Variants in SYT1 observed in about 807,000 individuals in gnomAD.
SYT1 encodes the protein synaptotagmin-1.
SYT1 carries 8 observed loss-of-function variants against 44.8 expected under a neutral mutation model. That is an observed-to-expected ratio of 0.18 (90% CI 0.10 to 0.32). SYT1 has a LOEUF of 0.32. SYT1 is among the 10% of genes least tolerant of loss of function. The pLI is 1.00. For synonymous variants in SYT1, 154 were observed against 188.8 expected, an observed-to-expected ratio of 0.82 and a Z score of 1.51; for missense variants, 286 against 509.3, an observed-to-expected ratio of 0.56 and a Z score of 4.22.
intron 1 of SYT1, among the ~76,000 whole-genome samples, chr12:78,873,621 A>G (rs1187217843): frequency 6.6e-6 from 1 of 151,622 alleles, no homozygotes; most frequent in African/African-American, 2.4e-5. Flanking sequence ...AGTGATTGTA[A>G]TCATAAGTGT....
chr12:79,300,108 A>T (rs1880062572), intron 8 of SYT1, among the ~76,000 whole-genome samples: 2 of 151,962 alleles, frequency 1.3e-5, no homozygotes, highest in Non-Finnish European at 2.9e-5. Context: ...TTTTTATGCT[A>T]CTCCTCACAT....
At chr12:79,150,276 A>C (rs911331239) in intron 3 of SYT1, among the ~76,000 whole-genome samples, 14 of 152,316 alleles carry the variant, frequency 9.2e-5, no homozygotes, top group Middle Eastern at 6.8e-3. Flanking sequence ...TCAGCCATTA[A>C]AAGGGAAATT....
chr12:79,445,867 TTATTTTATATATATAAAATATA>T (rs1409013048), intron 10 of SYT1, among the ~76,000 whole-genome samples: 30 of 146,396 alleles, frequency 2.0e-4, no homozygotes, highest in East Asian at 5.9e-4. Context: ...ATAGCTACAC[TTATTTTATATATATAAAATATA>T]TATTTTATAT....
intron 3 of SYT1, among the ~76,000 whole-genome samples, chr12:79,085,897 A>G (rs1362108897): frequency 6.6e-6 from 1 of 152,132 alleles, no homozygotes; most frequent in East Asian, 1.9e-4. Flanking sequence ...ACTCAGAGAA[A>G]TCTTTGTAAA....
At chr12:79,046,208 G>A (rs1230888375) in intron 2 of SYT1, 2 of 152,180 alleles carry the variant, frequency 1.3e-5, no homozygotes, top group Non-Finnish European at 2.9e-5. Flanking sequence ...TGCAGTAAAT[G>A]AGGTTTTGGA....
At chr12:79,364,697 T>C (rs1883468417) in intron 9 of SYT1, among the ~76,000 whole-genome samples, 1 of 152,158 alleles carries the variant, frequency 6.6e-6, no homozygotes, top group African/African-American at 2.4e-5. Context: ...GCAACATGAT[T>C]AAGAAATTAA....
chr12:79,308,828 C>T (rs1249840863), intron 8 of SYT1, among the ~76,000 whole-genome samples: 2 of 152,174 alleles, frequency 1.3e-5, no homozygotes, highest in East Asian at 3.9e-4. Context: ...AGCGAGTCTA[C>T]AAGTGTATCA....
At chr12:79,204,851 T>A (rs1190107037) in intron 3 of SYT1, among the ~76,000 whole-genome samples, 1 of 134,696 alleles carries the variant, frequency 7.4e-6, no homozygotes, top group African/African-American at 2.8e-5. Context: ...TGGTGCAATC[T>A]CGGCTCACTG....
In SYT1 at chr12:79,379,323, G is replaced by A. The variant is rs190948096; in HGVS notation, c.928+25704G>A. Among the ~76,000 whole-genome samples the A allele has an allele frequency of 2.6e-3, 400 of 152,126 alleles. 1 individual carries two copies. The highest frequency in any genetic ancestry group is 9.3e-3 in the African/African-American group (387 of 41,498). On this transcript the variant is annotated intron_variant, in intron 9 of 10. Coordinates refer to ENST00000261205, the MANE Select transcript of SYT1 (RefSeq NM_005639.3). ...AAACCCTGTCGTTTTTTAAAACCTC[G>A]GTCGAAAATATTTCTGGGTAATGAT...
At chr12:79,043,218 C>T (rs1873727867) in intron 2 of SYT1, among the ~76,000 whole-genome samples, 1 of 149,582 alleles carries the variant, frequency 6.7e-6, no homozygotes, top group Admixed American at 6.7e-5. Flanking sequence ...CTAATGTTGA[C>T]AGTGGGGTGT....
chr12:79,433,678 C>A (rs1320802074), intron 9 of SYT1, among the ~76,000 whole-genome samples: 2 of 152,154 alleles, frequency 1.3e-5, no homozygotes, highest in Non-Finnish European at 2.9e-5. Context: ...AGTCATTCCA[C>A]CAAGCTCTTT....
intron 9 of SYT1, among the ~76,000 whole-genome samples, chr12:79,437,332 G>T (rs1402951602): frequency 6.6e-6 from 1 of 152,156 alleles, no homozygotes; most frequent in Admixed American, 6.5e-5. Flanking sequence ...CTTGAGACAT[G>T]GCAGTGGGTT....
intron 3 of SYT1, among the ~76,000 whole-genome samples, chr12:79,161,068 A>G (rs897120180): frequency 2.6e-5 from 4 of 152,000 alleles, no homozygotes; most frequent in Non-Finnish European, 5.9e-5. Context: ...ACCCATATCT[A>G]TTTTTTAAAA....
chr12:79,384,416 T>C (rs1325369382), intron 9 of SYT1, among the ~76,000 whole-genome samples: 1 of 152,210 alleles, frequency 6.6e-6, no homozygotes, highest in Non-Finnish European at 1.5e-5. Context: ...TTGAACAGTT[T>C]AGTATTAAAA....
chr12:79,361,967 A>T (rs923928803), intron 9 of SYT1, among the ~76,000 whole-genome samples: 1 of 152,200 alleles, frequency 6.6e-6, no homozygotes, highest in African/African-American at 2.4e-5. Context: ...TACCCTTGTA[A>T]ATTGTTATGG....
intron 1 of SYT1, among the ~76,000 whole-genome samples, chr12:78,905,515 T>C (rs1184567554): frequency 6.6e-6 from 1 of 152,164 alleles, no homozygotes; most frequent in Non-Finnish European, 1.5e-5. Context: ...ATTCAATGTT[T>C]CCTTCAAAGT....
At chr12:79,366,818 G>T (rs1437150624) in intron 9 of SYT1, among the ~76,000 whole-genome samples, 2 of 151,518 alleles carry the variant, frequency 1.3e-5, no homozygotes, top group African/African-American at 2.4e-5. Context: ...GACAGTTCTT[G>T]GTTAACTCTT....
intron 8 of SYT1, among the ~76,000 whole-genome samples, chr12:79,321,043 T>C (rs1252086431): frequency 6.6e-6 from 1 of 152,212 alleles, no homozygotes; most frequent in Non-Finnish European, 1.5e-5. Flanking sequence ...TTCTAGTTGC[T>C]GTTCAGTCCC....
intron 2 of SYT1, among the ~76,000 whole-genome samples, chr12:78,990,557 T>A (rs956092758): frequency 3.9e-5 from 6 of 152,178 alleles, no homozygotes; most frequent in African/African-American, 1.4e-4. Context: ...TATCTGTGTC[T>A]GCCATATCAC....
Sources: gnomAD v4.1 joint callset for allele counts (sites outside exome capture counted in the v4.1 genomes callset) on GRCh38, gnomAD v4.1.1 for gene constraint, MANE v1.5 for transcripts, NCBI Gene and HGNC (gene_info 2026-07-23, HGNC 2026-07-21) for gene names.